Variants in CAMTA1 observed in about 807,000 individuals in gnomAD.
The protein encoded by CAMTA1 is calmodulin-binding transcription activator 1.
Under a neutral mutation model 170.9 loss-of-function variants are expected in CAMTA1, and 27 were observed. The ratio of observed to expected loss-of-function variants is 0.16; its 90% CI spans 0.12 to 0.22. The LOEUF (loss-of-function observed/expected upper bound fraction) is 0.22, where lower values mean the gene tolerates loss of function less well. Among genes scored for constraint, CAMTA1 ranks in the 10% least tolerant of loss-of-function variants. The probability of loss-of-function intolerance (pLI) is 1.00; values close to 1 mark genes in which losing one functional copy is unlikely to be tolerated. For missense variants in CAMTA1, 1,619 were observed against 2,217.2 expected (o/e 0.73, Z 5.42); for synonymous variants, 833 against 891.5 (o/e 0.93, Z 1.17).
rs1224598410 is a variant in CAMTA1, at chr1:6,841,462, G to A, written c.234+16252G>A. Among the ~76,000 whole-genome samples the A allele has an allele frequency of 3.3e-5, 5 of 152,160 alleles. No homozygotes were observed. In the East Asian group the frequency reaches 9.6e-4, roughly 29 times the overall value. Reference sequence around the variant, plus strand: ...ATTGTTGGATTTGGTCAACTGATTAGTAACCTCAATGGGTGGTTCCAGTGG... The same window carrying A: ...ATTGTTGGATTTGGTCAACTGATTAATAACCTCAATGGGTGGTTCCAGTGG... On this transcript the variant is annotated intron_variant, in intron 3 of 22. Coordinates refer to ENST00000303635, the MANE Select transcript of CAMTA1 (RefSeq NM_015215.4).
rs946749306 is a variant in CAMTA1 at position 7,093,159 on chromosome 1, T to C, written c.302+1788T>C. 6.6e-6 allele frequency among the ~76,000 whole-genome samples: 1 copy of C among 152,182 alleles called. No individual in the cohort carries two copies. Among genetic ancestry groups the C allele is most frequent in the African/African-American group, 2.4e-5 (1 of 41,436 alleles). ...TTCTTGGAGGACATCATTCTCAAAC[T>C]TGAGCAGGCATCAGAATCAGCTGAG... On this transcript the variant is annotated intron_variant, in intron 4 of 22. Transcript: ENST00000303635. The surrounding 1 kb of genome is among the most constrained non-coding windows in gnomAD (Gnocchi z 4.6).
Position 7,073,155 on chromosome 1 carries a change from A to G in CAMTA1, c.235-18149A>G, listed in dbSNP as rs1395399607. ...ACAGATTTGCTTCTAATGTTTCCAA[A>G]GGAAAGGGGACAAGGATCAGTCTCA... On this transcript the variant is annotated intron_variant, in intron 3 of 22. Coordinates refer to ENST00000303635, the MANE Select transcript of CAMTA1 (RefSeq NM_015215.4). 2.0e-5 allele frequency among the ~76,000 whole-genome samples: 3 copies of G among 152,278 alleles called. No individual in the cohort carries two copies. The South Asian group carries it at 6.2e-4, about 32-fold the overall frequency.
chr1:6,830,162 G>A (rs1443052070), intron 3 of CAMTA1, among the ~76,000 whole-genome samples: 3 of 151,016 alleles, frequency 2.0e-5, no homozygotes, highest in Non-Finnish European at 2.9e-5. Flanking sequence ...GTAGCCTCCC[G>A]CGTAGCTAGG....
chr1:7,155,983 T>A (rs1385034813), intron 4 of CAMTA1, among the ~76,000 whole-genome samples: 1 of 152,094 alleles, frequency 6.6e-6, no homozygotes, highest in African/African-American at 2.4e-5. Flanking sequence ...GCAGGCGCGG[T>A]GGCTCACAGC....
chr1:7,657,027 G>T (rs1304910426), intron 7 of CAMTA1, among the ~76,000 whole-genome samples: 1 of 152,238 alleles, frequency 6.6e-6, no homozygotes, highest in Non-Finnish European at 1.5e-5. Context: ...CCGCGAGAAT[G>T]CAGTCCCCGG....
rs570224588 is a variant in CAMTA1 at position 7,371,113 on chromosome 1, G to A, written c.439-96717G>A. 5.9e-5 allele frequency among the ~76,000 whole-genome samples: 9 copies of A among 151,910 alleles called. No individual in the cohort carries two copies. The South Asian group carries it at 6.3e-4, about 11-fold the overall frequency. Reference sequence around the variant, plus strand: ...TTTTTAGTAGAGACAGGGTTTCACCGTGTTATCCAGGTTGGTCTCGATCTC... The same window carrying A: ...TTTTTAGTAGAGACAGGGTTTCACCATGTTATCCAGGTTGGTCTCGATCTC... On this transcript the variant is annotated intron_variant, in intron 5 of 22. Transcript: ENST00000303635.
chr1:7,663,014 T>C lies in CAMTA1; in HGVS notation c.806-339T>C, dbSNP rs569171328. ...CCAGATGAGTGGTATCTGTCTCTGA[T>C]GGCGGAGGGGACTTTCCTGGGTGTT... is the stretch of plus-strand genomic sequence containing the variant. On this transcript the variant is annotated intron_variant, in intron 8 of 22. Transcript: ENST00000303635. Among the ~76,000 whole-genome samples, 39 of 152,332 alleles carry C rather than the reference T, an allele frequency of 2.6e-4. No homozygotes were observed. In the Middle Eastern group the frequency reaches 0.014, roughly 53 times the overall value.
At chr1:7,068,832 C>T (rs1318465250) in intron 3 of CAMTA1, among the ~76,000 whole-genome samples, 2 of 152,088 alleles carry the variant, frequency 1.3e-5, no homozygotes, top group Non-Finnish European at 2.9e-5. Context: ...CTTTCTCTTT[C>T]TTATTACATG....
At chr1:7,198,026 A>G (rs577723255) in intron 4 of CAMTA1, among the ~76,000 whole-genome samples, 2 of 152,076 alleles carry the variant, frequency 1.3e-5, no homozygotes, top group African/African-American at 4.8e-5. Flanking sequence ...GGTTCGGGAG[A>G]CATCTGTTCT....
chr1:7,731,621 C>A (rs958512409), intron 11 of CAMTA1, among the ~76,000 whole-genome samples: 2 of 150,796 alleles, frequency 1.3e-5, no homozygotes, highest in African/African-American at 4.9e-5. Context: ...TACGGTGGTT[C>A]ACACCTGTAA....
At chr1:7,045,436 A>G (rs1192770722) in intron 3 of CAMTA1, among the ~76,000 whole-genome samples, 2 of 152,180 alleles carry the variant, frequency 1.3e-5, no homozygotes, top group Admixed American at 1.3e-4. Flanking sequence ...CCGGCACCAA[A>G]TACCCCCAAT....
In CAMTA1 at chr1:7,064,188, C is replaced by A. The variant is rs897135783; in HGVS notation, c.235-27116C>A. ...CCTCTTCCTTCTTCTTCTCCTCCTCCTCCTCTTCTTTCTCCCCTTTCCTCC... is the reference window on the plus strand; with the variant it reads ...CCTCTTCCTTCTTCTTCTCCTCCTCATCCTCTTCTTTCTCCCCTTTCCTCC... On this transcript the variant is annotated intron_variant, in intron 3 of 22. Transcript: ENST00000303635. This position sits in a 1 kb window ranked among gnomAD's most constrained non-coding sequence, Gnocchi z 5.4. Among the ~76,000 whole-genome samples the A allele has an allele frequency of 6.6e-6, 1 of 151,544 alleles. No individual in the cohort carries two copies. The highest frequency in any genetic ancestry group is 2.4e-5 in the African/African-American group (1 of 41,176).
intron 6 of CAMTA1, among the ~76,000 whole-genome samples, chr1:7,611,104 G>A (rs925139433): frequency 1.7e-4 from 26 of 152,126 alleles, no homozygotes; most frequent in African/African-American, 5.8e-4. Flanking sequence ...ACCCACCTCC[G>A]GGACTGTGGA....
intron 11 of CAMTA1, among the ~76,000 whole-genome samples, chr1:7,729,159 C>T (rs1307973182): frequency 6.6e-6 from 1 of 151,044 alleles, no homozygotes; most frequent in Non-Finnish European, 1.5e-5. Context: ...CTCTGTCACC[C>T]AGGCTGGAGT....
chr1:7,428,428 G>A (rs146695907), intron 5 of CAMTA1, among the ~76,000 whole-genome samples: 15 of 144,678 alleles, frequency 1.0e-4, no homozygotes, highest in Non-Finnish European at 1.2e-4. Flanking sequence ...GGATTTTACC[G>A]AGGGCCGATC....
intron 5 of CAMTA1, among the ~76,000 whole-genome samples, chr1:7,301,589 G>A (rs945190466): frequency 6.6e-6 from 1 of 152,098 alleles, no homozygotes; most frequent in African/African-American, 2.4e-5. Flanking sequence ...TGTTCATGTT[G>A]GATGTAACCA....
rs150596882 is a variant in CAMTA1, at chr1:7,049,207, G to A, written c.235-42097G>A. On this transcript the variant is annotated intron_variant, in intron 3 of 22. Transcript: ENST00000303635. Reference sequence around the variant, plus strand: ...TCTCAGCCTAAGCTGAAGATCCGGCGGGGACCAATATGGACAAAGCATAGA... The same window carrying A: ...TCTCAGCCTAAGCTGAAGATCCGGCAGGGACCAATATGGACAAAGCATAGA... 6.6e-3 allele frequency among the ~76,000 whole-genome samples: 1,000 copies of A among 152,176 alleles called. 13 individuals are homozygous for A. The highest frequency in any genetic ancestry group is 0.023 in the African/African-American group (938 of 41,498).
At chr1:7,141,214 A>G (rs1269856075) in intron 4 of CAMTA1, among the ~76,000 whole-genome samples, 1 of 152,036 alleles carries the variant, frequency 6.6e-6, no homozygotes, top group Non-Finnish European at 1.5e-5. Context: ...GAACCTTGCA[A>G]AGGTGAAAAG....
At chr1:7,628,608 A>C (rs12089124) in intron 6 of CAMTA1, among the ~76,000 whole-genome samples, 37,038 of 152,234 alleles carry the variant, frequency 0.24, 6,815 homozygotes, top group African/African-American at 0.52. Flanking sequence ...AGGAAAGGCT[A>C]CAGAGCACAT....
Sources: gnomAD v4.1 joint callset for allele counts (sites outside exome capture counted in the v4.1 genomes callset) on GRCh38, gnomAD v4.1.1 for gene constraint, Gnocchi (gnomAD v3.1) non-coding constraint, MANE v1.5 for transcripts, NCBI Gene and HGNC (gene_info 2026-07-23, HGNC 2026-07-21) for gene names.